The following SIGLEC7 variants were observed in gnomAD, a reference collection of about 807,000 sequenced individuals.
SIGLEC7 encodes sialic acid binding Ig like lectin 7.
Under a neutral mutation model 40.8 loss-of-function variants are expected in SIGLEC7, and 33 were observed. That is an observed-to-expected ratio of 0.81 (90% CI 0.61 to 1.08). The LOEUF (loss-of-function observed/expected upper bound fraction) is 1.08. Among genes scored for constraint, SIGLEC7 ranks in the 50% least tolerant of loss-of-function variants. SIGLEC7 has a pLI of 0.00. For synonymous variants in SIGLEC7, 242 were observed against 237.6 expected (o/e 1.02, Z -0.17); for missense variants, 513 against 576.1 (o/e 0.89, Z 1.12).
chr19:51,152,993 A>T (rs2092153973), intron 6 of SIGLEC7, 70 bp from the exon 7 acceptor site: 1 of 1,330,612 alleles, frequency 7.5e-7, no homozygotes, highest in African/African-American at 1.5e-5. Context: ...CGATCAAACA[A>T]CTTGTGACTC....
chr19:51,146,978 G>A (rs1461250623), intron 5 of SIGLEC7, 128 bp downstream of exon 5: 1 of 1,062,430 alleles, frequency 9.4e-7, no homozygotes, highest in East Asian at 2.5e-5. Context: ...GCTCACGGGT[G>A]CGTGGCAAGA....
Position 51,145,045 on chromosome 19 carries a change from C to A in SIGLEC7, c.760+86C>A, listed in dbSNP as rs2122893096. On this transcript the variant is annotated intron_variant, in intron 3 of 6. Transcript: ENST00000317643. This position sits in a 1 kb window ranked among gnomAD's most constrained non-coding sequence, Gnocchi z 4.3. ...AGGTCCCTCCTCATCCTGGACTCACCCTGGTGATATGAGACTCCCTTGTAG... is the reference window on the plus strand; with the variant it reads ...AGGTCCCTCCTCATCCTGGACTCACACTGGTGATATGAGACTCCCTTGTAG... The A allele has an allele frequency of 3.0e-6, 4 of 1,335,852 alleles. No individual in the cohort carries two copies. In the South Asian group the frequency reaches 3.5e-5, roughly 12 times the overall value. The allele number at this position is 1,335,852 out of a possible 1,614,324, so 82.7% of individuals were successfully genotyped here.
At chr19:51,149,916 A>T (rs1172341157) in intron 6 of SIGLEC7, among the ~76,000 whole-genome samples, 6 of 152,114 alleles carry the variant, frequency 3.9e-5, no homozygotes, top group African/African-American at 1.4e-4. Flanking sequence ...GCAATTGTGA[A>T]TGGGATTGTG....
intron 6 of SIGLEC7, among the ~76,000 whole-genome samples, chr19:51,150,384 T>C (rs1285310525): frequency 6.6e-6 from 1 of 152,236 alleles, no homozygotes; most frequent in African/African-American, 2.4e-5. Flanking sequence ...AAAAGCCTTT[T>C]CTGCATCTAT....
intron 1 of SIGLEC7, among the ~76,000 whole-genome samples, chr19:51,143,209 G>T (rs1479597930): frequency 6.6e-6 from 1 of 152,096 alleles, no homozygotes. Flanking sequence ...CGTCCTGGGG[G>T]GTTAAGTCCT....
rs140776910 is a variant in SIGLEC7, at chr19:51,146,112, G to T, written c.1018G>T (p.Glu340Ter). The T allele has an allele frequency of 6.2e-7, 1 of 1,614,042 alleles. No homozygotes were observed. Among genetic ancestry groups the T allele is most frequent in the Middle Eastern group, 1.7e-4 (1 of 6,056 alleles). Reference sequence around the variant, plus strand: ...TTCCCTGAACCTCTCCCTGCAACAGGAGTACACAGGTGGGTAAGGGAGGGG... The same window carrying T: ...TTCCCTGAACCTCTCCCTGCAACAGTAGTACACAGGTGGGTAAGGGAGGGG... ...HVSLNLSLQQ[E>*]YTGKMRPVSG... The change falls in exon 4 of 7, where the codon GAG (glutamate) becomes TAG (stop). Residue 340 changes from glutamate (E) to a stop codon, truncating the protein, a stop_gained. Coordinates refer to ENST00000317643, the MANE Select transcript of SIGLEC7 (RefSeq NM_014385.4). LOFTEE classifies it high-confidence loss of function.
In SIGLEC7 at chr19:51,144,701, G is replaced by T. The variant is rs766697322; in HGVS notation, c.712+17G>T. On this transcript the variant is annotated intron_variant, in intron 2 of 6. Coordinates refer to ENST00000317643, the MANE Select transcript of SIGLEC7 (RefSeq NM_014385.4). ...ATGTGTCCTGTGAGTGCTGAGCCAG[G>T]ACGCCCTGGTCCCTGATGAGGGGGG... 3.7e-6 allele frequency: 6 copies of T among 1,610,600 alleles called. No individual in the cohort carries two copies. The highest frequency in any genetic ancestry group is 4.2e-6 in the Non-Finnish European group (5 of 1,178,310).
intron 2 of SIGLEC7, 88 bp from the exon 3 acceptor site, chr19:51,144,824 C>A: frequency 6.3e-7 from 1 of 1,582,090 alleles, no homozygotes; most frequent in East Asian, 2.2e-5. Context: ...GCTGGCTCCG[C>A]CTTCCCCATT....
intron 6 of SIGLEC7, among the ~76,000 whole-genome samples, chr19:51,152,363 G>A (rs2122923702): frequency 6.6e-6 from 1 of 152,212 alleles, no homozygotes; most frequent in East Asian, 1.9e-4. Flanking sequence ...AGTCCCTTTA[G>A]CAATGTAACG....
intron 2 of SIGLEC7, 24 bp downstream of exon 2, chr19:51,144,708 T>C: frequency 6.2e-7 from 1 of 1,607,838 alleles, no homozygotes; most frequent in Middle Eastern, 1.7e-4. Flanking sequence ...CAGGACGCCC[T>C]GGTCCCTGAT....
At chr19:51,152,203 C>T (rs1176464594) in intron 6 of SIGLEC7, among the ~76,000 whole-genome samples, 3 of 152,158 alleles carry the variant, frequency 2.0e-5, no homozygotes, top group Non-Finnish European at 2.9e-5. Flanking sequence ...GTCCCTTCCT[C>T]TGTTTGCAAG....
At chr19:51,143,646 T>TCCTCTCCAGCC (rs1326054539) in intron 1 of SIGLEC7, among the ~76,000 whole-genome samples, 4 of 152,050 alleles carry the variant, frequency 2.6e-5, no homozygotes, top group South Asian at 4.2e-4. Context: ...GGTCTCCAGC[T>TCCTCTCCAGCC]CCTCTCCAGC....
chr19:51,145,552 G>A lies in SIGLEC7; in HGVS notation c.761-303G>A, dbSNP rs980423619. Among the ~76,000 whole-genome samples, 14 of 152,088 alleles carry A rather than the reference G, an allele frequency of 9.2e-5. No individual in the cohort carries two copies. The highest frequency in any genetic ancestry group is 2.4e-4 in the African/African-American group (10 of 41,386). ...GATCATGGCACTAATTTTATCCTAC[G>A]GCACGAACACTGCAATGAATAATGT... On this transcript the variant is annotated intron_variant, in intron 3 of 6. Coordinates refer to ENST00000317643, the MANE Select transcript of SIGLEC7 (RefSeq NM_014385.4). The surrounding 1 kb of genome is among the most constrained non-coding windows in gnomAD (Gnocchi z 4.3).
intron 6 of SIGLEC7, among the ~76,000 whole-genome samples, chr19:51,152,771 C>T (rs1466774541): frequency 2.0e-5 from 3 of 152,116 alleles, no homozygotes; most frequent in Non-Finnish European, 2.9e-5. Flanking sequence ...GATTGGGTCC[C>T]GGCATAACAG....
intron 4 of SIGLEC7, 45 bp from the exon 5 acceptor site, chr19:51,146,709 A>G (rs1451450403): frequency 1.0e-5 from 16 of 1,556,604 alleles, no homozygotes; most frequent in African/African-American, 1.4e-5. Flanking sequence ...GAAGAGACCC[A>G]GTTCTTGGAG....
intron 6 of SIGLEC7, 76 bp downstream of exon 6, chr19:51,147,393 G>A: frequency 8.0e-7 from 1 of 1,247,224 alleles, no homozygotes; most frequent in Non-Finnish European, 1.1e-6. Flanking sequence ...GGATTTCTCT[G>A]CTTATCATGG....
intron 6 of SIGLEC7, among the ~76,000 whole-genome samples, chr19:51,148,643 G>A (rs560501078): frequency 6.6e-6 from 1 of 152,158 alleles, no homozygotes; most frequent in Non-Finnish European, 1.5e-5. Context: ...GTACTACAAT[G>A]AACATTTGCT....
chr19:51,147,381 C>T, intron 6 of SIGLEC7, 64 bp downstream of exon 6: 1 of 1,445,958 alleles, frequency 6.9e-7, no homozygotes, highest in East Asian at 2.5e-5. Flanking sequence ...GGATGGCCTC[C>T]AGGATTTCTC....
intron 1 of SIGLEC7, among the ~76,000 whole-genome samples, chr19:51,143,085 T>A (rs954010186): frequency 6.6e-6 from 1 of 152,110 alleles, no homozygotes; most frequent in Non-Finnish European, 1.5e-5. Flanking sequence ...TTGGGGCCTG[T>A]CCTAGGCATG....
Sources: gnomAD v4.1 joint callset for allele counts (sites outside exome capture counted in the v4.1 genomes callset) on GRCh38, gnomAD v4.1.1 for gene constraint, Gnocchi (gnomAD v3.1) non-coding constraint, MANE v1.5 for transcripts, NCBI Gene and HGNC (gene_info 2026-07-23, HGNC 2026-07-21) for gene names.